SRGAP1: variants seen among roughly 807,000 people sequenced by gnomAD.
SRGAP1 encodes SLIT-ROBO Rho GTPase activating protein 1, also known as SLIT-ROBO Rho GTPase-activating protein 1.
A neutral mutation model predicts 121.9 loss-of-function variants in SRGAP1; 43 were observed. That is an observed-to-expected ratio of 0.35 (90% CI 0.28 to 0.46). The LOEUF is 0.46. Among genes scored for constraint, SRGAP1 ranks in the 20% least tolerant of loss-of-function variants. SRGAP1 has a pLI of 1.00. For missense variants in SRGAP1, 1,102 were observed against 1,350.9 expected, an observed-to-expected ratio of 0.82 and a Z score of 2.89; for synonymous variants, 447 against 485.4, an observed-to-expected ratio of 0.92 and a Z score of 1.04.
chr12:63,905,337 A>G (rs894015955), intron 1 of SRGAP1, among the ~76,000 whole-genome samples: 45 of 152,220 alleles, frequency 3.0e-4, no homozygotes, highest in African/African-American at 1.1e-3. Flanking sequence ...TTATCTGATG[A>G]CTAAGCTGTC....
chr12:63,896,942 T>C (rs1160164550), intron 1 of SRGAP1, among the ~76,000 whole-genome samples: 1 of 152,178 alleles, frequency 6.6e-6, no homozygotes, highest in Non-Finnish European at 1.5e-5. Context: ...TGGGTTTCGT[T>C]CCCAAAATTT....
chr12:64,036,767 TAATA>T (rs2034914111), intron 4 of SRGAP1, among the ~76,000 whole-genome samples: 1 of 152,240 alleles, frequency 6.6e-6, no homozygotes, highest in African/African-American at 2.4e-5. Flanking sequence ...TGTAGATGTT[TAATA>T]AATATTTGTT....
At chr12:64,128,249 G>T (rs568680716) in intron 21 of SRGAP1, 49 bp downstream of exon 21, 1 of 1,470,944 alleles carries the variant, frequency 6.8e-7, no homozygotes, top group Admixed American at 2.1e-5. Context: ...TAAGTGTGAT[G>T]TAGGAGGTGT....
chr12:64,147,438 C>G lies in SRGAP1; in HGVS notation c.*4766C>G, dbSNP rs549476021. 42 of 396,400 alleles carry G rather than the reference C, an allele frequency of 1.1e-4. No homozygotes were observed. In the South Asian group the frequency reaches 5.4e-3, roughly 51 times the overall value. The allele number at this position is 396,400 out of a possible 1,614,324, so 24.6% of individuals were successfully genotyped here. A position where few individuals can be genotyped will look rare whatever the true frequency, so the allele number is the denominator to read the frequency against. On this transcript the variant is annotated 3_prime_UTR_variant, in exon 22 of 22. Coordinates refer to ENST00000355086, the MANE Select transcript of SRGAP1 (RefSeq NM_020762.4). ...TCCCTGTCCCCCACCTTCCCCATCC[C>G]CGCCTTCCTGTGCCTCGGTGCTCAG...
At chr12:64,007,733 A>C (rs1298847317) in intron 3 of SRGAP1, among the ~76,000 whole-genome samples, 2 of 152,190 alleles carry the variant, frequency 1.3e-5, no homozygotes, top group Non-Finnish European at 1.5e-5. Flanking sequence ...AGACAGGTTT[A>C]CTTTATCCTA....
chr12:63,891,145 C>T (rs1271042139), intron 1 of SRGAP1, among the ~76,000 whole-genome samples: 1 of 152,180 alleles, frequency 6.6e-6, no homozygotes, highest in Non-Finnish European at 1.5e-5. Flanking sequence ...CTCATTCCTC[C>T]ACACTCATGG....
In SRGAP1 at chr12:63,989,864, G is replaced by C. The variant is rs113258766; in HGVS notation, c.264-46G>C. 1.3e-4 allele frequency: 203 copies of C among 1,532,090 alleles called. No homozygotes were observed. The African/African-American group carries it at 2.3e-3, about 17-fold the overall frequency. The allele number at this position is 1,532,090 out of a possible 1,614,324, so 94.9% of individuals were successfully genotyped here. ...TTGGTGACTTCACTCATCTGATTGG[G>C]GCAACTTTGAAATGGGTGGTAATTC... On this transcript the variant is annotated intron_variant, in intron 2 of 21. Coordinates refer to ENST00000355086, the MANE Select transcript of SRGAP1 (RefSeq NM_020762.4).
intron 1 of SRGAP1, among the ~76,000 whole-genome samples, chr12:63,865,342 G>A (rs1280798991): frequency 2.6e-5 from 4 of 151,960 alleles, no homozygotes; most frequent in African/African-American, 9.7e-5. Flanking sequence ...GGTGGTGGGT[G>A]CCTATAATCT....
At chr12:64,121,883 G>A (rs1316120146) in intron 18 of SRGAP1, among the ~76,000 whole-genome samples, 3 of 152,098 alleles carry the variant, frequency 2.0e-5, no homozygotes, top group East Asian at 1.9e-4. Flanking sequence ...ATTCTCACCC[G>A]CAGCCAACCT....
At chr12:63,891,212 G>A (rs981110980) in intron 1 of SRGAP1, among the ~76,000 whole-genome samples, 9 of 152,084 alleles carry the variant, frequency 5.9e-5, no homozygotes, top group Non-Finnish European at 1.2e-4. Flanking sequence ...GGCCTTCACC[G>A]CCACACCTGA....
intron 1 of SRGAP1, among the ~76,000 whole-genome samples, chr12:63,903,720 C>T (rs899762598): frequency 2.6e-5 from 4 of 152,066 alleles, no homozygotes; most frequent in African/African-American, 7.2e-5. Context: ...CTGCAGCCTC[C>T]GCCTCTCAGG....
At chr12:64,026,865 CAA>C (rs35172854) in intron 4 of SRGAP1, among the ~76,000 whole-genome samples, 5 of 134,160 alleles carry the variant, frequency 3.7e-5, no homozygotes, top group African/African-American at 2.8e-5. Context: ...GACTCCATCT[CAA>C]AAAAAAAAAA....
chr12:63,982,206 G>A (rs1221326894), intron 1 of SRGAP1, among the ~76,000 whole-genome samples: 1 of 149,810 alleles, frequency 6.7e-6, no homozygotes, highest in Non-Finnish European at 1.5e-5. Flanking sequence ...GCAAGACTCC[G>A]TCTCAAAACA....
intron 1 of SRGAP1, among the ~76,000 whole-genome samples, chr12:63,961,335 T>A (rs1036977269): frequency 3.3e-5 from 5 of 152,186 alleles, no homozygotes; most frequent in African/African-American, 1.2e-4. Flanking sequence ...CCCCTAATAT[T>A]GGCTAGCATC....
At chr12:63,979,536 C>T (rs1365864503) in intron 1 of SRGAP1, among the ~76,000 whole-genome samples, 1 of 152,066 alleles carries the variant, frequency 6.6e-6, no homozygotes, top group Non-Finnish European at 1.5e-5. Context: ...GTTTTCCACA[C>T]TCTTCCAGTC....
At chr12:64,074,245 G>C (rs2035694903) in intron 8 of SRGAP1, among the ~76,000 whole-genome samples, 1 of 152,146 alleles carries the variant, frequency 6.6e-6, no homozygotes, top group Non-Finnish European at 1.5e-5. Flanking sequence ...AGGGTCTCCT[G>C]ACTAACTTTC....
intron 1 of SRGAP1, among the ~76,000 whole-genome samples, chr12:63,861,510 G>T (rs1267441706): frequency 6.6e-6 from 1 of 151,820 alleles, no homozygotes; most frequent in Non-Finnish European, 1.5e-5. Context: ...TGTTAGCCAG[G>T]CTGGCCTTGA....
chr12:63,967,804 G>T (rs2032830887), intron 1 of SRGAP1, among the ~76,000 whole-genome samples: 1 of 152,312 alleles, frequency 6.6e-6, no homozygotes, highest in East Asian at 1.9e-4. Context: ...TGATGAACAG[G>T]TTTTGTATCA....
At chr12:64,100,757 G>C (rs920739807) in intron 15 of SRGAP1, among the ~76,000 whole-genome samples, 1 of 152,080 alleles carries the variant, frequency 6.6e-6, no homozygotes, top group Admixed American at 6.6e-5. Context: ...AGAAAGAGAG[G>C]ATTCTTGGAT....
Sources: gnomAD v4.1 joint callset for allele counts (sites outside exome capture counted in the v4.1 genomes callset) on GRCh38, gnomAD v4.1.1 for gene constraint, MANE v1.5 for transcripts, NCBI Gene and HGNC (gene_info 2026-07-23, HGNC 2026-07-21) for gene names.